Variants in EXOC4 observed in about 807,000 individuals in gnomAD.
EXOC4 encodes the protein SEC8-like 1.
In EXOC4, 71 loss-of-function variants were observed where a neutral mutation model predicts 107.2. That is an observed-to-expected ratio of 0.66 (90% CI 0.55 to 0.81). The LOEUF is 0.81. EXOC4 is among the 30% of genes least tolerant of loss of function. The pLI is 0.00. For missense variants in EXOC4, 1,108 were observed against 1,189.6 expected (o/e 0.93, Z 1.01); for synonymous variants, 456 against 441.2 (o/e 1.03, Z -0.42).
chr7:133,481,122 T>C (rs1799147155), intron 9 of EXOC4: 1 of 150,720 alleles, frequency 6.6e-6, no homozygotes, highest in Admixed American at 6.6e-5. Context: ...TCTTAGGTGT[T>C]GGAAGTAGTG....
intron 9 of EXOC4, among the ~76,000 whole-genome samples, chr7:133,505,513 G>C (rs1051032718): frequency 7.9e-5 from 12 of 151,992 alleles, no homozygotes; most frequent in African/African-American, 2.9e-4. Flanking sequence ...GAAATATTTT[G>C]TTTTAATGAC....
chr7:133,264,674 CAT>C (rs1417146759), intron 1 of EXOC4, among the ~76,000 whole-genome samples: 3 of 152,158 alleles, frequency 2.0e-5, no homozygotes, highest in East Asian at 1.9e-4. Flanking sequence ...ACATTAAACT[CAT>C]AATTCTGAGT....
chr7:133,997,736 T>A, intron 15 of EXOC4, 103 bp downstream of exon 15: 1 of 1,306,238 alleles, frequency 7.7e-7, no homozygotes, highest in Non-Finnish European at 1.1e-6. Flanking sequence ...TGGCTCATAT[T>A]ATTGATGTTA....
the EXOC4 span, among the ~76,000 whole-genome samples, chr7:134,078,028 G>T: frequency 2.6e-5 from 4 of 152,184 alleles, no homozygotes; most frequent in African/African-American, 9.7e-5. Flanking sequence ...GGATCTGGCT[G>T]TGCCTGTTGC....
At chr7:133,630,186 A>G (rs1390512406) in intron 10 of EXOC4, 45 bp downstream of exon 10, 2 of 1,420,862 alleles carry the variant, frequency 1.4e-6, no homozygotes, top group Non-Finnish European at 2.0e-6. Flanking sequence ...CAATATTTTC[A>G]TTATTTATGC....
intron 14 of EXOC4, among the ~76,000 whole-genome samples, chr7:133,971,603 C>G (rs1022395168): frequency 4.0e-5 from 6 of 151,634 alleles, no homozygotes; most frequent in Admixed American, 3.9e-4. Context: ...TAATGGAAAA[C>G]AAACCTTTTT....
At chr7:133,267,610 TA>T (rs752054260) in intron 1 of EXOC4, among the ~76,000 whole-genome samples, 60 of 152,162 alleles carry the variant, frequency 3.9e-4, no homozygotes, top group Non-Finnish European at 7.2e-4. Context: ...CACTAGAACA[TA>T]AGCTTCATGA....
chr7:133,793,136 A>G (rs1390128392), intron 10 of EXOC4, among the ~76,000 whole-genome samples: 1 of 152,218 alleles, frequency 6.6e-6, no homozygotes, highest in Non-Finnish European at 1.5e-5. Flanking sequence ...GACATTTAGT[A>G]AAAATGAAGC....
chr7:133,705,891 T>C (rs1794759999), intron 10 of EXOC4, among the ~76,000 whole-genome samples: 1 of 152,222 alleles, frequency 6.6e-6, no homozygotes, highest in Non-Finnish European at 1.5e-5. Flanking sequence ...TTTCGTTTTA[T>C]ATTTTTGGAA....
intron 9 of EXOC4, among the ~76,000 whole-genome samples, chr7:133,623,939 A>G (rs2151008867): frequency 6.6e-6 from 1 of 152,304 alleles, no homozygotes; most frequent in South Asian, 2.1e-4. Flanking sequence ...CCCCTCTGGC[A>G]GGGTGACAGC....
At chr7:134,091,802 A>G in the EXOC4 span, among the ~76,000 whole-genome samples, 2 of 152,194 alleles carry the variant, frequency 1.3e-5, no homozygotes, top group African/African-American at 2.4e-5. Context: ...AGCATTATAC[A>G]GGGGCCTATC....
At chr7:133,308,664 A>G (rs189988740) in intron 4 of EXOC4, among the ~76,000 whole-genome samples, 1 of 152,344 alleles carries the variant, frequency 6.6e-6, no homozygotes, top group Non-Finnish European at 1.5e-5. Context: ...TTAAACAGGA[A>G]AACAAGACCT....
chr7:133,377,069 C>T (rs1435001576), intron 7 of EXOC4, among the ~76,000 whole-genome samples: 1 of 152,030 alleles, frequency 6.6e-6, no homozygotes, highest in South Asian at 2.1e-4. Flanking sequence ...ATGAAAAATC[C>T]ACCAGGGAGT....
intron 10 of EXOC4, among the ~76,000 whole-genome samples, chr7:133,719,152 A>G (rs905147995): frequency 6.6e-6 from 1 of 152,126 alleles, no homozygotes; most frequent in African/African-American, 2.4e-5. Flanking sequence ...ACAAGATCCA[A>G]TGGTTTTAAA....
chr7:133,779,954 T>C (rs1235956769), intron 10 of EXOC4, among the ~76,000 whole-genome samples: 1 of 152,120 alleles, frequency 6.6e-6, no homozygotes, highest in African/African-American at 2.4e-5. Context: ...GCTGTAACAC[T>C]CACCACGAAG....
At position 133,669,726 on chromosome 7, in the gene EXOC4, G is replaced by A. The variant is rs184541338; in HGVS notation, c.1514+39585G>A. ...TAAGAGATGGTGTTCAGAAAGAGAG[G>A]GAAGCTAGATGGGCTGAAACATGAA... On this transcript the variant is annotated intron_variant, in intron 10 of 17. Transcript: ENST00000253861. 7.2e-5 allele frequency among the ~76,000 whole-genome samples: 11 copies of A among 152,300 alleles called. No homozygotes were observed. The East Asian group carries it at 1.9e-3, about 27-fold the overall frequency.
chr7:133,945,119 G>C (rs558187949), intron 14 of EXOC4, among the ~76,000 whole-genome samples: 1 of 152,156 alleles, frequency 6.6e-6, no homozygotes, highest in African/African-American at 2.4e-5. Flanking sequence ...CTGATGTAGA[G>C]ATTTTGATGT....
rs141908222 is a variant in EXOC4 at position 133,354,505 on chromosome 7, C to T, written c.764-1825C>T. ...CTAGTCCTAATGTTTGGCTTTAAAA[C>T]GGGGAGCAAGAGAAAAATAAAGGCA... On this transcript the variant is annotated intron_variant, in intron 5 of 17. Transcript: ENST00000253861. 2.4e-4 allele frequency among the ~76,000 whole-genome samples: 37 copies of T among 152,078 alleles called. No homozygotes were observed. In the East Asian group the frequency reaches 5.2e-3, roughly 21 times the overall value.
intron 13 of EXOC4, among the ~76,000 whole-genome samples, chr7:133,922,987 G>T (rs1449086575): frequency 6.7e-6 from 1 of 148,884 alleles, no homozygotes; most frequent in East Asian, 2.0e-4. Flanking sequence ...AATATCCTGG[G>T]TTTTTTTTTT....
Sources: gnomAD v4.1 joint callset for allele counts (sites outside exome capture counted in the v4.1 genomes callset) on GRCh38, gnomAD v4.1.1 for gene constraint, MANE v1.5 for transcripts, NCBI Gene and HGNC (gene_info 2026-07-23, HGNC 2026-07-21) for gene names.